The following TENM3 variants were observed in gnomAD, a reference collection of about 807,000 sequenced individuals.
TENM3 encodes teneurin-3.
A neutral mutation model predicts 255.1 loss-of-function variants in TENM3; 63 were observed. That is an observed-to-expected ratio of 0.25 (90% confidence interval 0.20 to 0.30). TENM3 has a LOEUF of 0.30. TENM3 is among the 10% of genes least tolerant of loss of function. The probability of loss-of-function intolerance (pLI) is 1.00; values close to 1 mark genes in which losing one functional copy is unlikely to be tolerated. For synonymous variants in TENM3, 1,306 were observed against 1,322.3 expected (o/e 0.99, Z 0.27); for missense variants, 2,929 against 3,461.1 (o/e 0.85, Z 3.86).
chr4:181,544,431 A>AAAAAAAAAAAAAAAAAAAAAAAC, the TENM3 span, among the ~76,000 whole-genome samples: 2 of 143,230 alleles, frequency 1.4e-5, no homozygotes, highest in African/African-American at 5.2e-5. Flanking sequence ...AAAAAAAAAA[A>AAAAAAAAAAAAAAAAAAAAAAAC]AAAAACTATA....
At chr4:181,817,052 G>A in the TENM3 span, among the ~76,000 whole-genome samples, 9 of 152,178 alleles carry the variant, frequency 5.9e-5, no homozygotes, top group African/African-American at 1.9e-4. Flanking sequence ...TTGAACTCAG[G>A]ACTCCACTCT....
the TENM3 span, among the ~76,000 whole-genome samples, chr4:182,102,719 T>C: frequency 5.9e-5 from 9 of 152,340 alleles, no homozygotes; most frequent in African/African-American, 2.2e-4. Flanking sequence ...CATCTAGGTC[T>C]GAGCCTGCCT....
chr4:182,527,476 C>A (rs1739324255), intron 3 of TENM3, among the ~76,000 whole-genome samples: 1 of 128,422 alleles, frequency 7.8e-6, no homozygotes, highest in African/African-American at 2.6e-5. Flanking sequence ...TTAAGGGGAA[C>A]TATTATCTGT....
the TENM3 span, among the ~76,000 whole-genome samples, chr4:182,096,004 C>G: frequency 6.6e-6 from 1 of 151,806 alleles, no homozygotes; most frequent in Non-Finnish European, 1.5e-5. Context: ...TGGCACACGC[C>G]TGTAAGTCCC....
chr4:181,455,682 C>T, the TENM3 span, among the ~76,000 whole-genome samples: 2 of 151,850 alleles, frequency 1.3e-5, no homozygotes, highest in Non-Finnish European at 2.9e-5. Flanking sequence ...AAAGCATTAT[C>T]ATCTGTTGAG....
At chr4:182,110,351 G>A in the TENM3 span, among the ~76,000 whole-genome samples, 1 of 151,648 alleles carries the variant, frequency 6.6e-6, no homozygotes, top group East Asian at 2.0e-4. Flanking sequence ...TTGAGACAGG[G>A]TCTCGCTCTG....
the TENM3 span, among the ~76,000 whole-genome samples, chr4:182,009,783 A>AG: frequency 6.6e-6 from 1 of 152,190 alleles, no homozygotes; most frequent in Non-Finnish European, 1.5e-5. Context: ...TCCAGCTGAG[A>AG]GGCTGTAAAA....
At chr4:181,843,980 A>G in the TENM3 span, among the ~76,000 whole-genome samples, 1 of 152,114 alleles carries the variant, frequency 6.6e-6, no homozygotes, top group Admixed American at 6.5e-5. Flanking sequence ...GGCTTCCCAA[A>G]GTGCTGGGAT....
chr4:181,976,672 G>A, the TENM3 span: 1 of 152,240 alleles, frequency 6.6e-6, no homozygotes, highest in African/African-American at 2.4e-5. Context: ...TAGAAACCAA[G>A]TGGGAATGTC....
intron 3 of TENM3, among the ~76,000 whole-genome samples, chr4:182,423,233 A>G (rs1770971611): frequency 6.6e-6 from 1 of 152,068 alleles, no homozygotes; most frequent in Non-Finnish European, 1.5e-5. Context: ...AGGTCTGCTC[A>G]GGTTGTGTAA....
intron 20 of TENM3, among the ~76,000 whole-genome samples, chr4:182,752,669 G>A (rs975539562): frequency 3.3e-5 from 5 of 151,920 alleles, no homozygotes; most frequent in Non-Finnish European, 7.4e-5. Context: ...ATGTGAACAA[G>A]GACTGGAAAA....
chr4:182,742,373 T>C (rs759099704), intron 18 of TENM3, among the ~76,000 whole-genome samples: 2 of 152,250 alleles, frequency 1.3e-5, no homozygotes, highest in Non-Finnish European at 2.9e-5. Flanking sequence ...CAGAATTCAC[T>C]GTAAATAATA....
chr4:182,295,256 CTTTTCTTTTT>C (rs1183484682), intron 1 of TENM3, among the ~76,000 whole-genome samples: 1 of 121,536 alleles, frequency 8.2e-6, no homozygotes, highest in Non-Finnish European at 1.7e-5. Flanking sequence ...ATGTGCTTTG[CTTTTCTTTTT>C]TTTTTTTTTT....
chr4:181,495,276 G>A, the TENM3 span, among the ~76,000 whole-genome samples: 2 of 152,170 alleles, frequency 1.3e-5, no homozygotes, highest in Non-Finnish European at 2.9e-5. Flanking sequence ...GGAGTCATAG[G>A]AGTTAGCGAA....
At chr4:181,873,325 T>C in the TENM3 span, among the ~76,000 whole-genome samples, 3 of 152,184 alleles carry the variant, frequency 2.0e-5, no homozygotes, top group Non-Finnish European at 4.4e-5. Flanking sequence ...TTCCTCAGCC[T>C]CCCAGAGTGC....
At chr4:181,646,697 T>C in the TENM3 span, among the ~76,000 whole-genome samples, 3 of 152,176 alleles carry the variant, frequency 2.0e-5, no homozygotes, top group Non-Finnish European at 2.9e-5. Context: ...CAAGCGACAG[T>C]TGGGGTTAGG....
At chr4:181,472,486 G>T in the TENM3 span, among the ~76,000 whole-genome samples, 191 of 144,616 alleles carry the variant, frequency 1.3e-3, 3 homozygotes, top group East Asian at 1.4e-3. Flanking sequence ...CTGCCATAAT[G>T]CCTGCAGCCA....
At chr4:182,377,982 A>T (rs997308017) in intron 3 of TENM3, among the ~76,000 whole-genome samples, 3 of 152,166 alleles carry the variant, frequency 2.0e-5, no homozygotes, top group African/African-American at 7.2e-5. Flanking sequence ...CAGTTCAAGC[A>T]GACATTGATG....
chr4:182,378,959 G>A (rs1187291552), intron 3 of TENM3, among the ~76,000 whole-genome samples: 1 of 152,118 alleles, frequency 6.6e-6, no homozygotes, highest in Non-Finnish European at 1.5e-5. Context: ...AACTGGGTAC[G>A]TGGCAGAAGG....
Sources: gnomAD v4.1 joint callset for allele counts (sites outside exome capture counted in the v4.1 genomes callset) on GRCh38, gnomAD v4.1.1 for gene constraint, MANE v1.5 for transcripts, NCBI Gene and HGNC (gene_info 2026-07-23, HGNC 2026-07-21) for gene names.